SRPK2: variants seen among roughly 807,000 people sequenced by gnomAD.
The protein encoded by SRPK2 is SFRS protein kinase 2.
Under a neutral mutation model 90.8 loss-of-function variants are expected in SRPK2, and 21 were observed. That is an observed-to-expected ratio of 0.23 (90% CI 0.16 to 0.33). SRPK2 has a LOEUF of 0.33. Ranked by LOEUF, SRPK2 falls within the 10% of genes least tolerant of loss-of-function variation. The probability of loss-of-function intolerance (pLI) is 1.00; values close to 1 mark genes in which losing one functional copy is unlikely to be tolerated. For missense variants in SRPK2, 620 were observed against 869.0 expected (o/e 0.71, Z 3.60); for synonymous variants, 288 against 311.1 (o/e 0.93, Z 0.78).
At chr7:105,244,981 C>A in intron 2 of SRPK2, 1 of 1,151,804 alleles carries the variant, frequency 8.7e-7, no homozygotes, top group South Asian at 1.3e-5. Context: ...GCCCCCTTCC[C>A]TGCCCTCTCC....
intron 2 of SRPK2, among the ~76,000 whole-genome samples, chr7:105,290,343 A>C (rs2131005404): frequency 6.6e-6 from 1 of 152,198 alleles, no homozygotes; most frequent in Non-Finnish European, 1.5e-5. Flanking sequence ...TATATATAAA[A>C]AATTAGCCAG....
intron 2 of SRPK2, among the ~76,000 whole-genome samples, chr7:105,325,551 C>A (rs1169467357): frequency 1.4e-3 from 97 of 71,442 alleles, no homozygotes; most frequent in Middle Eastern, 7.4e-3. Context: ...TTTCTCAAGG[C>A]AAAAAAAAAA....
upstream of SRPK2, chr7:105,389,135 C>T: frequency 1.0e-6 from 1 of 1,001,326 alleles, no homozygotes; most frequent in Non-Finnish European, 1.2e-6. Flanking sequence ...CAGCCCGCGG[C>T]CCGGGCCTCC....
chr7:105,299,822 C>T (rs1375222871), intron 2 of SRPK2, among the ~76,000 whole-genome samples: 4 of 151,888 alleles, frequency 2.6e-5, no homozygotes, highest in Non-Finnish European at 4.4e-5. Flanking sequence ...TGAACCCAGG[C>T]GGCGTAAGTT....
intron 1 of SRPK2, among the ~76,000 whole-genome samples, chr7:105,397,429 AAAC>A (rs1822362293): frequency 1.3e-5 from 2 of 151,324 alleles, no homozygotes; most frequent in African/African-American, 4.9e-5. Context: ...TCCCAGGTTC[AAAC>A]AATTCTCCTG....
chr7:105,241,694 A>G (rs1800836567), intron 2 of SRPK2, among the ~76,000 whole-genome samples: 1 of 152,174 alleles, frequency 6.6e-6, no homozygotes, highest in Admixed American at 6.5e-5. Context: ...ATCACGCAAC[A>G]ATCTATTCCT....
chr7:105,370,989 A>G (rs779443105), intron 2 of SRPK2, among the ~76,000 whole-genome samples: 1 of 152,194 alleles, frequency 6.6e-6, no homozygotes, highest in Non-Finnish European at 1.5e-5. Flanking sequence ...TTCAAACATC[A>G]GTAACAAAAC....
At chr7:105,123,576 AT>A (rs1253836537) in intron 15 of SRPK2, among the ~76,000 whole-genome samples, 3 of 152,200 alleles carry the variant, frequency 2.0e-5, no homozygotes, top group Non-Finnish European at 2.9e-5. Flanking sequence ...TATTTCCAAA[AT>A]TATGGAAATT....
rs1795838691 is a variant in SRPK2 at position 105,203,668 on chromosome 7, T to C, written c.189A>G (p.Ser63=). Residue 63 remains serine, a synonymous_variant, in exon 3 of 16, where the codon TCA becomes TCG. Transcript: ENST00000393651. ...PPEPEEEILG[S]DDEEQEDPAD... ...CAGGGTCCTCTTGCTCCTCATCATC[T>C]GATCCCAGGATCTCCTCCTCTGGCT... The C allele has an allele frequency of 1.9e-6, 3 of 1,555,624 alleles. No homozygotes were observed. The highest frequency in any genetic ancestry group is 1.2e-5 in the South Asian group (1 of 80,918).
At chr7:105,263,496 A>G (rs1804616091) in intron 2 of SRPK2, among the ~76,000 whole-genome samples, 1 of 152,200 alleles carries the variant, frequency 6.6e-6, no homozygotes, top group South Asian at 2.1e-4. Flanking sequence ...GATGAACCTC[A>G]CATAGGTAAC....
chr7:105,272,996 C>T (rs542002644), intron 2 of SRPK2, among the ~76,000 whole-genome samples: 3 of 152,122 alleles, frequency 2.0e-5, no homozygotes, highest in South Asian at 2.1e-4. Context: ...AGGCAAATCA[C>T]GAAGGTCAGG....
At chr7:105,376,909 A>ACACG (rs1820381935) in intron 2 of SRPK2, among the ~76,000 whole-genome samples, 1 of 144,242 alleles carries the variant, frequency 6.9e-6, no homozygotes, top group Non-Finnish European at 1.5e-5. Context: ...ACACACACAC[A>ACACG]CTAAAAAGCT....
intron 2 of SRPK2, among the ~76,000 whole-genome samples, chr7:105,241,284 T>C (rs1800781743): frequency 6.6e-6 from 1 of 152,184 alleles, no homozygotes; most frequent in Non-Finnish European, 1.5e-5. Context: ...GTTATGTACA[T>C]TATTTCAGTT....
At chr7:105,372,136 TAAAA>T (rs55928342) in intron 2 of SRPK2, among the ~76,000 whole-genome samples, 16 of 76,780 alleles carry the variant, frequency 2.1e-4, no homozygotes, top group African/African-American at 6.8e-4. Context: ...CTCCAACTCA[TAAAA>T]AAAAAAAAAA....
At chr7:105,249,295 G>A (rs1802165309) in intron 2 of SRPK2, among the ~76,000 whole-genome samples, 1 of 151,994 alleles carries the variant, frequency 6.6e-6, no homozygotes, top group South Asian at 2.1e-4. Flanking sequence ...ACACTTACTG[G>A]TTTTTTTAAT....
intron 7 of SRPK2, among the ~76,000 whole-genome samples, chr7:105,156,317 C>T (rs188365040): frequency 3.9e-5 from 6 of 152,288 alleles, no homozygotes; most frequent in Admixed American, 3.9e-4. Flanking sequence ...CTTCTGTTTC[C>T]TCTTGATGAA....
intron 11 of SRPK2, among the ~76,000 whole-genome samples, chr7:105,139,995 T>C (rs2129576236): frequency 6.6e-6 from 1 of 152,252 alleles, no homozygotes; most frequent in East Asian, 1.9e-4. Flanking sequence ...GGTGTAGTGT[T>C]TGCATATAAC....
intron 2 of SRPK2, chr7:105,206,679 A>C (rs932877983): frequency 2.0e-5 from 3 of 152,230 alleles, no homozygotes; most frequent in Admixed American, 2.0e-4. Flanking sequence ...GTTATCGGGC[A>C]CATGAAGTAG....
At chr7:105,185,907 G>C (rs973324776) in intron 3 of SRPK2, among the ~76,000 whole-genome samples, 2 of 152,098 alleles carry the variant, frequency 1.3e-5, no homozygotes, top group African/African-American at 4.8e-5. Flanking sequence ...GACAAAAAGA[G>C]AATTAGATAA....
Sources: allele counts gnomAD v4.1 joint callset (sites outside exome capture counted in the v4.1 genomes callset), GRCh38; gene constraint gnomAD v4.1.1; transcripts MANE v1.5; gene names NCBI Gene and HGNC (gene_info 2026-07-23, HGNC 2026-07-21).